The following RGS6 variants were observed in gnomAD, a reference collection of about 807,000 sequenced individuals.
RGS6 encodes the protein regulator of G-protein signaling 6.
Under a neutral mutation model 78.5 loss-of-function variants are expected in RGS6, and 30 were observed. The ratio of observed to expected loss-of-function variants is 0.38; its 90% CI spans 0.29 to 0.52. RGS6 has a LOEUF of 0.52. RGS6 is among the 20% of genes least tolerant of loss of function. RGS6 has a pLI of 0.85. For missense variants in RGS6, 495 were observed against 609.7 expected (o/e 0.81, Z 1.98); for synonymous variants, 206 against 206.0 (o/e 1.00, Z 0.00).
chr14:72,458,467 T>C (rs548500354), intron 5 of RGS6, 90 bp downstream of exon 5: 2 of 984,462 alleles, frequency 2.0e-6, no homozygotes, highest in African/African-American at 3.2e-5. Context: ...CCTAGGGATA[T>C]CTGAGGGAGT....
At chr14:72,381,263 T>C (rs932822116) in intron 3 of RGS6, among the ~76,000 whole-genome samples, 2 of 152,066 alleles carry the variant, frequency 1.3e-5, no homozygotes, top group African/African-American at 4.8e-5. Flanking sequence ...TAATTAACAA[T>C]AATATATAGT....
intron 2 of RGS6, among the ~76,000 whole-genome samples, chr14:72,321,823 TA>T (rs1201198582): frequency 2.0e-5 from 3 of 151,998 alleles, no homozygotes; most frequent in African/African-American, 7.2e-5. Flanking sequence ...TAAAGTTACA[TA>T]TATCAATCTA....
chr14:71,969,878 C>T (rs1481060349), intron 2 of RGS6, among the ~76,000 whole-genome samples: 1 of 152,150 alleles, frequency 6.6e-6, no homozygotes, highest in Non-Finnish European at 1.5e-5. Flanking sequence ...AATTAGTACA[C>T]TTCCCTGATA....
chr14:72,458,185 A>T (rs989714587), intron 4 of RGS6, 86 bp from the exon 5 acceptor site: 2 of 976,912 alleles, frequency 2.0e-6, no homozygotes, highest in African/African-American at 1.6e-5. Context: ...GGGGGTGATG[A>T]CAGTTGACTT....
chr14:71,867,700 A>G, the RGS6 span, among the ~76,000 whole-genome samples: 1 of 152,158 alleles, frequency 6.6e-6, no homozygotes, highest in South Asian at 2.1e-4. Flanking sequence ...ATGACCAGAT[A>G]AGGAGGAGGC....
At chr14:72,256,342 CAGT>C (rs1299472489) in intron 2 of RGS6, among the ~76,000 whole-genome samples, 3 of 152,096 alleles carry the variant, frequency 2.0e-5, no homozygotes, top group Admixed American at 6.5e-5. Context: ...TAGAGTCAGT[CAGT>C]AGCCAGAATG....
intron 2 of RGS6, among the ~76,000 whole-genome samples, chr14:72,189,323 G>T (rs1567420866): frequency 6.6e-6 from 1 of 152,262 alleles, no homozygotes; most frequent in South Asian, 2.1e-4. Flanking sequence ...GTCCTGGTTG[G>T]CAGTAACATC....
chr14:72,626,574 A>T, the RGS6 span, among the ~76,000 whole-genome samples: 1 of 152,138 alleles, frequency 6.6e-6, no homozygotes, highest in Non-Finnish European at 1.5e-5. Context: ...TTATTCAACA[A>T]CTACTCTTCC....
intron 17 of RGS6, among the ~76,000 whole-genome samples, chr14:72,549,204 A>G (rs969461769): frequency 6.6e-6 from 1 of 152,100 alleles, no homozygotes; most frequent in African/African-American, 2.4e-5. Flanking sequence ...AAGTGGAATT[A>G]CTGCCCTTCA....
chr14:71,973,370 C>CT (rs35957548), intron 2 of RGS6, among the ~76,000 whole-genome samples: 33,951 of 144,636 alleles, frequency 0.23, 4,076 homozygotes, highest in South Asian at 0.3. Context: ...TTTTTTCACT[C>CT]TTTTTTTTTT....
chr14:71,875,071 C>T, the RGS6 span, among the ~76,000 whole-genome samples: 1 of 152,080 alleles, frequency 6.6e-6, no homozygotes, highest in African/African-American at 2.4e-5. Flanking sequence ...ATTTTTGCAT[C>T]GATGTTCATC....
chr14:72,307,021 T>C lies in RGS6; in HGVS notation c.85-45074T>C, dbSNP rs914068325. Among the ~76,000 whole-genome samples the C allele has an allele frequency of 7.9e-5, 12 of 152,314 alleles. No homozygotes were observed. The South Asian group carries it at 2.5e-3, about 32-fold the overall frequency. On this transcript the variant is annotated intron_variant, in intron 2 of 17. Transcript: ENST00000553525. The stretch of plus-strand genomic sequence containing the variant: ...GAATCAGTTAATGTAGCAAACATCA[T>C]TGTGGTCTTATTTTAAGAAATTGTC...
chr14:71,902,057 G>A, the RGS6 span, among the ~76,000 whole-genome samples: 1 of 124,952 alleles, frequency 8.0e-6, no homozygotes, highest in African/African-American at 2.8e-5. Flanking sequence ...CTGAGATTAA[G>A]AGTCAACATT....
intron 2 of RGS6, among the ~76,000 whole-genome samples, chr14:72,346,287 TG>T (rs2078030584): frequency 6.6e-6 from 1 of 152,172 alleles, no homozygotes; most frequent in South Asian, 2.1e-4. Flanking sequence ...CATTGGATCA[TG>T]AATTTATAGA....
At chr14:72,537,786 C>T in intron 16 of RGS6, 1 of 552,194 alleles carries the variant, frequency 1.8e-6, no homozygotes, top group South Asian at 2.3e-5. Context: ...CTTTCTAAGG[C>T]TCTGGTAGTT....
the RGS6 span, among the ~76,000 whole-genome samples, chr14:72,606,978 G>T: frequency 2.0e-5 from 3 of 152,144 alleles, no homozygotes; most frequent in Non-Finnish European, 4.4e-5. Context: ...TGTATAGCCT[G>T]CAGAGCCATG....
At chr14:71,962,281 G>GGGGTGGCTGGGCGGA (rs1384658566) in intron 1 of RGS6, among the ~76,000 whole-genome samples, 26 of 146,624 alleles carry the variant, frequency 1.8e-4, no homozygotes, top group African/African-American at 6.9e-4. Flanking sequence ...GTTGGTGGGA[G>GGGGTGGCTGGGCGGA]GGGGTGGCTG....
intron 2 of RGS6, among the ~76,000 whole-genome samples, chr14:72,127,401 G>C (rs1380096719): frequency 6.6e-6 from 1 of 152,110 alleles, no homozygotes; most frequent in Admixed American, 6.6e-5. Context: ...CCTAAGTATA[G>C]ACTGAATACA....
intron 2 of RGS6, among the ~76,000 whole-genome samples, chr14:72,192,143 G>A (rs1434366019): frequency 1.3e-5 from 2 of 152,212 alleles, no homozygotes; most frequent in Non-Finnish European, 2.9e-5. Flanking sequence ...TCACTGAACA[G>A]TTAATGGTCA....
Sources: allele counts gnomAD v4.1 joint callset (sites outside exome capture counted in the v4.1 genomes callset), GRCh38; gene constraint gnomAD v4.1.1; transcripts MANE v1.5; gene names NCBI Gene and HGNC (gene_info 2026-07-23, HGNC 2026-07-21).